The following PABPC4L variants were observed in gnomAD, a reference collection of about 807,000 sequenced individuals.
PABPC4L encodes poly(A) binding protein cytoplasmic 4 like.
For missense variants in PABPC4L, 452 were observed against 451.4 expected (o/e 1.00, Z -0.01); for synonymous variants, 169 against 164.1 (o/e 1.03, Z -0.23).
chr4:134,073,827 C>T, the PABPC4L span, among the ~76,000 whole-genome samples: 3 of 152,182 alleles, frequency 2.0e-5, no homozygotes, highest in African/African-American at 7.2e-5. Context: ...ATAACTTGAG[C>T]TGTACATTGG....
the PABPC4L span, among the ~76,000 whole-genome samples, chr4:134,005,851 A>G: frequency 1.3e-5 from 2 of 151,686 alleles, no homozygotes; most frequent in African/African-American, 2.4e-5. Context: ...AATCAAGATG[A>G]CTCAATCCAA....
At chr4:134,133,304 T>C in the PABPC4L span, among the ~76,000 whole-genome samples, 1,004 of 141,106 alleles carry the variant, frequency 7.1e-3, 6 homozygotes, top group Non-Finnish European at 0.012. Context: ...ATTAATTATA[T>C]ACAAATACAT....
At chr4:134,158,175 C>G in the PABPC4L span, among the ~76,000 whole-genome samples, 2 of 152,030 alleles carry the variant, frequency 1.3e-5, no homozygotes, top group Admixed American at 6.5e-5. Flanking sequence ...TAATATCTTT[C>G]ACTCCCAGTT....
the PABPC4L span, among the ~76,000 whole-genome samples, chr4:134,018,537 A>G: frequency 2.0e-5 from 3 of 152,080 alleles, no homozygotes; most frequent in Non-Finnish European, 4.4e-5. Context: ...GGAGTCTCCC[A>G]TGTCTGTTGT....
the PABPC4L span, among the ~76,000 whole-genome samples, chr4:134,104,384 G>A: frequency 6.6e-6 from 1 of 151,680 alleles, no homozygotes; most frequent in African/African-American, 2.4e-5. Flanking sequence ...AGCAAAGTTG[G>A]TGTAATCTAA....
chr4:134,058,647 C>T, the PABPC4L span, among the ~76,000 whole-genome samples: 1 of 152,038 alleles, frequency 6.6e-6, no homozygotes, highest in Non-Finnish European at 1.5e-5. Flanking sequence ...TAGATGTTTA[C>T]TTCTTTGATT....
the PABPC4L span, among the ~76,000 whole-genome samples, chr4:134,182,706 T>C: frequency 6.6e-6 from 1 of 151,884 alleles, no homozygotes; most frequent in South Asian, 2.1e-4. Context: ...AAACTACTAA[T>C]CCAACAGAGG....
chr4:134,117,639 C>T, the PABPC4L span, among the ~76,000 whole-genome samples: 2 of 151,680 alleles, frequency 1.3e-5, no homozygotes, highest in Admixed American at 1.3e-4. Flanking sequence ...AGAGAAAACA[C>T]TGAGTTGATG....
chr4:134,034,969 G>T, the PABPC4L span, among the ~76,000 whole-genome samples: 38 of 151,366 alleles, frequency 2.5e-4, no homozygotes, highest in Admixed American at 2.0e-3. Flanking sequence ...ATATGACAGA[G>T]AAATATTTCA....
the PABPC4L span, among the ~76,000 whole-genome samples, chr4:133,990,737 C>A: frequency 1.3e-5 from 2 of 152,122 alleles, no homozygotes; most frequent in Admixed American, 1.3e-4. Flanking sequence ...ATTGCCGACC[C>A]CCCCAGTAGA....
At chr4:134,190,734 C>A in the PABPC4L span, among the ~76,000 whole-genome samples, 1 of 152,130 alleles carries the variant, frequency 6.6e-6, no homozygotes, top group Admixed American at 6.6e-5. Context: ...TCACTGCAAC[C>A]TTTGCCTTCC....
the PABPC4L span, among the ~76,000 whole-genome samples, chr4:133,950,333 G>A: frequency 6.6e-6 from 1 of 152,112 alleles, no homozygotes; most frequent in African/African-American, 2.4e-5. Context: ...TGGCATTTCT[G>A]TAAAATTTAC....
chr4:134,060,259 C>T, the PABPC4L span, among the ~76,000 whole-genome samples: 5 of 152,014 alleles, frequency 3.3e-5, no homozygotes, highest in African/African-American at 1.2e-4. Flanking sequence ...ACTAGAAAGG[C>T]TGTCTAGGCA....
At chr4:134,031,899 A>G in the PABPC4L span, among the ~76,000 whole-genome samples, 1 of 151,958 alleles carries the variant, frequency 6.6e-6, no homozygotes, top group African/African-American at 2.4e-5. Context: ...TTGTTCTGTA[A>G]TAAATCTATA....
chr4:134,148,346 T>A, the PABPC4L span, among the ~76,000 whole-genome samples: 1 of 152,132 alleles, frequency 6.6e-6, no homozygotes, highest in African/African-American at 2.4e-5. Flanking sequence ...TTTTAAGGGA[T>A]GGTCAAAAAT....
At chr4:134,177,479 G>A in the PABPC4L span, among the ~76,000 whole-genome samples, 188 of 152,164 alleles carry the variant, frequency 1.2e-3, 1 homozygote, top group African/African-American at 4.2e-3. Flanking sequence ...CAACCCAGCA[G>A]TCCCACTTCT....
chr4:133,977,054 A>T, the PABPC4L span, among the ~76,000 whole-genome samples: 1 of 152,224 alleles, frequency 6.6e-6, no homozygotes, highest in Admixed American at 6.5e-5. Context: ...TGGGTTTTAC[A>T]TTTAAGTATT....
At chr4:134,100,948 A>C in the PABPC4L span, among the ~76,000 whole-genome samples, 1 of 151,652 alleles carries the variant, frequency 6.6e-6, no homozygotes, top group Admixed American at 6.6e-5. Flanking sequence ...TTAGTGATGT[A>C]TTTTCTTTCA....
the PABPC4L span, among the ~76,000 whole-genome samples, chr4:134,022,795 G>A: frequency 6.6e-6 from 1 of 151,932 alleles, no homozygotes; most frequent in Admixed American, 6.6e-5. Flanking sequence ...CATGCACAGT[G>A]ACTTTCTATT....
Sources: allele counts gnomAD v4.1 joint callset (sites outside exome capture counted in the v4.1 genomes callset), GRCh38; gene constraint gnomAD v4.1.1; transcripts MANE v1.5; gene names NCBI Gene and HGNC (gene_info 2026-07-23, HGNC 2026-07-21).